FAM210B: variants seen among roughly 807,000 people sequenced by gnomAD.
FAM210B encodes the protein mitochondrial inner membrane scaffold 2, also known as family with sequence similarity 210 member B.
FAM210B carries 11 observed loss-of-function variants against 14.9 expected under a neutral mutation model. That is an observed-to-expected ratio of 0.74 (90% CI 0.46 to 1.22). The LOEUF (loss-of-function observed/expected upper bound fraction) is 1.22. Among genes scored for constraint, FAM210B ranks in the 50% most tolerant of loss-of-function variants. FAM210B has a pLI of 0.00. For missense variants in FAM210B, 229 were observed against 250.1 expected, an observed-to-expected ratio of 0.92 and a Z score of 0.57; for synonymous variants, 113 against 110.2, an observed-to-expected ratio of 1.03 and a Z score of -0.16.
Position 56,366,301 on chromosome 20 carries a change from C to A in FAM210B, c.*14C>A, listed in dbSNP as rs773971408. On this transcript the variant is annotated 3_prime_UTR_variant, in exon 3 of 3. Transcript: ENST00000371384. ...GCAAAACCTTAATGAACTCTTCAGT[C>A]GTACACACTGAAAACCTATTTCTTC... The A allele has an allele frequency of 1.2e-6, 2 of 1,603,744 alleles. No individual in the cohort carries two copies. Among genetic ancestry groups the A allele is most frequent in the South Asian group, 2.2e-5 (2 of 90,754 alleles).
In FAM210B at chr20:56,366,705, T is replaced by A. The variant is rs1040010036; in HGVS notation, c.*418T>A. 1 of 172,386 alleles carries A rather than the reference T, an allele frequency of 5.8e-6. No homozygotes were observed. Among genetic ancestry groups the A allele is most frequent in the Non-Finnish European group, 1.2e-5 (1 of 80,476 alleles). 10.7% of individuals were successfully genotyped at this position (172,386 alleles called of 1,614,324 possible). ...TATCCCCTTCCGCTGATATTTGTTGTCAGCTGCCTACAGTTTAATATGCAG... is the reference window on the plus strand; with the variant it reads ...TATCCCCTTCCGCTGATATTTGTTGACAGCTGCCTACAGTTTAATATGCAG... On this transcript the variant is annotated 3_prime_UTR_variant, in exon 3 of 3. Transcript: ENST00000371384.
Position 56,359,065 on chromosome 20 carries a change from TCG to T in FAM210B, c.64_65del (p.Ala22HisfsTer113). On this transcript the variant is annotated frameshift_variant, in exon 1 of 3. Coordinates refer to ENST00000371384, the MANE Select transcript of FAM210B (RefSeq NM_080821.3). LOFTEE classifies it high-confidence loss of function. The surrounding 1 kb of genome is among the most constrained non-coding windows in gnomAD (Gnocchi z 4.3). Reference protein sequence around the residue: ...AGRVGARVRPRATWLLGATAP... With the variant: ...AGRVGARVRPXATWLLGATAP... The stretch of plus-strand genomic sequence containing the variant: ...GCAGGGTGGGCGCCCGGGTCCGGCC[TCG>T]CGCCACCTGGCTCCTGGGCGCCACC... 1 of 1,356,494 alleles carries T rather than the reference TCG, an allele frequency of 7.4e-7. No homozygotes were observed. The highest frequency in any genetic ancestry group is 9.5e-7 in the Non-Finnish European group (1 of 1,049,748). 84.0% of individuals were successfully genotyped at this position (1,356,494 alleles called of 1,614,324 possible). A position where few individuals can be genotyped will look rare whatever the true frequency, so the allele number is the denominator to read the frequency against.
rs928100099 is a variant in FAM210B, at chr20:56,359,186, C to T, written c.181C>T (p.His61Tyr). The T allele has an allele frequency of 1.5e-5, 18 of 1,236,586 alleles. No individual in the cohort carries two copies. The highest frequency in any genetic ancestry group is 1.6e-5 in the Non-Finnish European group (16 of 993,334). 76.6% of individuals were successfully genotyped at this position (1,236,586 alleles called of 1,614,324 possible). The change falls in exon 1 of 3, where the codon CAC (histidine) becomes TAC (tyrosine). Residue 61 changes from histidine to tyrosine, a missense_variant. By Grantham distance (83) the His-to-Tyr change is moderately conservative. Transcript: ENST00000371384. This position sits in a 1 kb window ranked among gnomAD's most constrained non-coding sequence, Gnocchi z 4.3. ...LRTARGDCRG[H>Y]QDPSQATGTT... ...CACGGCGCGCGGGGACTGCCGCGGC[C>T]ACCAGGTAAGCACCCCACCCCGACC...
Position 56,362,390 on chromosome 20 carries a change from G to T in FAM210B, c.187-2697G>T, listed in dbSNP as rs941191262. Among the ~76,000 whole-genome samples the T allele has an allele frequency of 2.6e-5, 4 of 152,134 alleles. No individual in the cohort carries two copies. Among genetic ancestry groups the T allele is most frequent in the Non-Finnish European group, 5.9e-5 (4 of 68,022 alleles). The stretch of plus-strand genomic sequence containing the variant: ...GCATGCATGCTGAGTACAGACAGAA[G>T]ATGTGTCACGCCGTCCTGTGCATTC... On this transcript the variant is annotated intron_variant, in intron 1 of 2. Transcript: ENST00000371384. This position sits in a 1 kb window ranked among gnomAD's most constrained non-coding sequence, Gnocchi z 4.8.
Position 56,365,160 on chromosome 20 carries a change from A to G in FAM210B, c.260A>G (p.Gln87Arg), listed in dbSNP as rs1441533902. 1 of 1,614,220 alleles carries G rather than the reference A, an allele frequency of 6.2e-7. No individual in the cohort carries two copies. Among genetic ancestry groups the G allele is most frequent in the Non-Finnish European group, 8.5e-7 (1 of 1,180,046 alleles). ...GAGGAGAAAAAGCAAAGCAAGTCAC[A>G]GCAACTGAAAAAGATTTTTCAAGAG... ...CTEEKKQSKS[Q>R]QLKKIFQEYG... Residue 87 changes from glutamine to arginine, a missense_variant, in exon 2 of 3, where the codon CAG (glutamine) becomes CGG (arginine). By Grantham distance (43) the Gln-to-Arg change is conservative (BLOSUM62 1). Around this residue, in one of 3 missense-constraint regions of FAM210B, gnomAD observed 144 missense variants for 132.5 expected, o/e 1.09. Coordinates refer to ENST00000371384, the MANE Select transcript of FAM210B (RefSeq NM_080821.3).
In FAM210B at chr20:56,359,089, C is replaced by T. The variant is rs1029452189; in HGVS notation, c.84C>T (p.Ala28=). Residue 28 remains alanine (A), a synonymous_variant, in exon 1 of 3, where the codon GCC becomes GCT. Transcript: ENST00000371384. This position sits in a 1 kb window ranked among gnomAD's most constrained non-coding sequence, Gnocchi z 4.3. ...CTCGCGCCACCTGGCTCCTGGGCGCCACCGCCCCCTGCGCCCCGCCGCCCC... is the reference window on the plus strand; with the variant it reads ...CTCGCGCCACCTGGCTCCTGGGCGCTACCGCCCCCTGCGCCCCGCCGCCCC... ...VRPRATWLLG[A]TAPCAPPPLA... 1.5e-6 allele frequency: 2 copies of T among 1,344,350 alleles called. No homozygotes were observed. The highest frequency in any genetic ancestry group is 1.8e-5 in the South Asian group (1 of 57,052). The allele number at this position is 1,344,350 out of a possible 1,614,324, so 83.3% of individuals were successfully genotyped here. A position where few individuals can be genotyped will look rare whatever the true frequency, so the allele number is the denominator to read the frequency against.
rs1324486414 is a variant in FAM210B, at chr20:56,366,062, C to T, written c.363-9C>T. 1.9e-6 allele frequency: 3 copies of T among 1,602,568 alleles called. No individual in the cohort carries two copies. Among genetic ancestry groups the T allele is most frequent in the Non-Finnish European group, 2.6e-6 (3 of 1,171,756 alleles). On this transcript the variant is annotated splice_polypyrimidine_tract_variant and intron_variant, in intron 2 of 2. Coordinates refer to ENST00000371384, the MANE Select transcript of FAM210B (RefSeq NM_080821.3). The stretch of plus-strand genomic sequence containing the variant: ...GTAATAATTGTTTTCTTTGCTTCTT[C>T]CCCCCTAGTGGTGTGGACATGCCTG...
rs1252460782 is a variant in FAM210B at position 56,363,557 on chromosome 20, A to G, written c.187-1530A>G. 1.3e-5 allele frequency among the ~76,000 whole-genome samples: 2 copies of G among 152,346 alleles called. No homozygotes were observed. Among genetic ancestry groups the G allele is most frequent in the Non-Finnish European group, 2.9e-5 (2 of 68,028 alleles). ...CCAGGTGCGCATCACCTGCCGGGACAAGCCCCAGGACTGTCCTTAGAGAAG... is the reference window on the plus strand; with the variant it reads ...CCAGGTGCGCATCACCTGCCGGGACGAGCCCCAGGACTGTCCTTAGAGAAG... On this transcript the variant is annotated intron_variant, in intron 1 of 2. Coordinates refer to ENST00000371384, the MANE Select transcript of FAM210B (RefSeq NM_080821.3). This position sits in a 1 kb window ranked among gnomAD's most constrained non-coding sequence, Gnocchi z 4.1.
chr20:56,359,929 C>T lies in FAM210B; in HGVS notation c.186+738C>T, dbSNP rs562073933. On this transcript the variant is annotated intron_variant, in intron 1 of 2. Coordinates refer to ENST00000371384, the MANE Select transcript of FAM210B (RefSeq NM_080821.3). The surrounding 1 kb of genome is among the most constrained non-coding windows in gnomAD (Gnocchi z 4.3). ...CAGACAGGGCCCCTCCATTCATCGCCCGGTGACCTCAGACCGAGTCCTGAA... is the reference window on the plus strand; with the variant it reads ...CAGACAGGGCCCCTCCATTCATCGCTCGGTGACCTCAGACCGAGTCCTGAA... 1.6e-3 allele frequency among the ~76,000 whole-genome samples: 250 copies of T among 152,344 alleles called. No homozygotes were observed. Among genetic ancestry groups the T allele is most frequent in the Non-Finnish European group, 3.1e-3 (211 of 68,028 alleles).
rs1351973139 is a variant in FAM210B at position 56,358,991 on chromosome 20, G to A, written c.-15G>A. The A allele has an allele frequency of 4.5e-5, 57 of 1,259,298 alleles. No homozygotes were observed. The highest frequency in any genetic ancestry group is 5.6e-5 in the Non-Finnish European group (56 of 999,506). 78.0% of individuals were successfully genotyped at this position (1,259,298 alleles called of 1,614,324 possible). A position where few individuals can be genotyped will look rare whatever the true frequency, so the allele number is the denominator to read the frequency against. On this transcript the variant is annotated 5_prime_UTR_variant, in exon 1 of 3. Transcript: ENST00000371384. ...CCCGGGTCAGCGGCGCGGGTGCTGC[G>A]CCTAGCTGCGCACCATGGCCGGGTT... is the stretch of plus-strand genomic sequence containing the variant.
chr20:56,364,459 C>T (rs1281513175), intron 1 of FAM210B, among the ~76,000 whole-genome samples: 2 of 152,160 alleles, frequency 1.3e-5, no homozygotes, highest in African/African-American at 2.4e-5. Context: ...CTTGTGATGA[C>T]GTTGGTAATA....
Position 56,364,877 on chromosome 20 carries a change from CA to C in FAM210B, c.187-209del, listed in dbSNP as rs148257934. Among the ~76,000 whole-genome samples, 923 of 152,232 alleles carry C rather than the reference CA, an allele frequency of 6.1e-3. 6 individuals carry two copies. The highest frequency in any genetic ancestry group is 0.021 in the African/African-American group (877 of 41,538). ...GCTGAGGCAAAAGAATCCTTTGAAC[CA>C]GGGAGGTGGAGGTTGCAATGAGCCA... On this transcript the variant is annotated intron_variant, in intron 1 of 2. Coordinates refer to ENST00000371384, the MANE Select transcript of FAM210B (RefSeq NM_080821.3).
At position 56,362,360 on chromosome 20, in the gene FAM210B, CAT is replaced by C. The variant is rs1983551122; in HGVS notation, c.187-2726_187-2725del. On this transcript the variant is annotated intron_variant, in intron 1 of 2. Transcript: ENST00000371384. This position sits in a 1 kb window ranked among gnomAD's most constrained non-coding sequence, Gnocchi z 4.8. Reference sequence around the variant, plus strand: ...ACTGTCTCACACACACTCTCACACACATGTGCATGCATGCTGAGTACAGACAG... The same window carrying C: ...ACTGTCTCACACACACTCTCACACACGTGCATGCATGCTGAGTACAGACAG... Among the ~76,000 whole-genome samples, 6 of 152,140 alleles carry C rather than the reference CAT, an allele frequency of 3.9e-5. No homozygotes were observed. Among genetic ancestry groups the C allele is most frequent in the Admixed American group, 1.3e-4 (2 of 15,282 alleles).
At position 56,362,900 on chromosome 20, in the gene FAM210B, TG is replaced by T. The variant is rs1983560660; in HGVS notation, c.187-2185del. 6.6e-6 allele frequency among the ~76,000 whole-genome samples: 1 copy of T among 152,246 alleles called. No homozygotes were observed. The highest frequency in any genetic ancestry group is 2.4e-5 in the African/African-American group (1 of 41,468). ...GCCAGGTGTCAAGGGCATGGGTGTT[TG>T]GCCCTGCGAGGGGCTGTAGGTGGCC... is the stretch of plus-strand genomic sequence containing the variant. On this transcript the variant is annotated intron_variant, in intron 1 of 2. Transcript: ENST00000371384. This position sits in a 1 kb window ranked among gnomAD's most constrained non-coding sequence, Gnocchi z 4.8.
chr20:56,365,667 G>A (rs2146109380), intron 2 of FAM210B, among the ~76,000 whole-genome samples: 1 of 152,266 alleles, frequency 6.6e-6, no homozygotes, highest in Admixed American at 6.5e-5. Context: ...CACCAAGCCT[G>A]GCTAATTTTT....
intron 1 of FAM210B, among the ~76,000 whole-genome samples, chr20:56,361,251 G>A (rs1983526319): frequency 6.6e-6 from 1 of 152,076 alleles, no homozygotes; most frequent in African/African-American, 2.4e-5. Context: ...TTCCCTGATG[G>A]CCTTATTTAA....
intron 2 of FAM210B, 81 bp downstream of exon 2, chr20:56,365,343 C>CTT: frequency 1.4e-6 from 2 of 1,433,992 alleles, no homozygotes; most frequent in Non-Finnish European, 1.9e-6. Flanking sequence ...TTTGCTAAGA[C>CTT]TTTTTTTTTA....
At position 56,363,838 on chromosome 20, in the gene FAM210B, T is replaced by C. The variant is rs1192490349; in HGVS notation, c.187-1249T>C. ...GGAGTAAATCTGCCATCGCTTTTGC[T>C]GCATTAATTTTGTGCGCACCGTCCT... On this transcript the variant is annotated intron_variant, in intron 1 of 2. Transcript: ENST00000371384. The surrounding 1 kb of genome is among the most constrained non-coding windows in gnomAD (Gnocchi z 4.1). Among the ~76,000 whole-genome samples the C allele has an allele frequency of 2.0e-5, 3 of 152,228 alleles. No homozygotes were observed. The highest frequency in any genetic ancestry group is 4.4e-5 in the Non-Finnish European group (3 of 68,042).
Position 56,365,232 on chromosome 20 carries a change from C to T in FAM210B, c.332C>T (p.Ser111Phe), listed in dbSNP as rs1983605691. ...VSLHIGISLI[S>F]LGIFYMVVSS... Reference sequence around the variant, plus strand: ...TTGCACATTGGAATCTCATTAATTTCCTTGGGCATATTTTACATGGTTGTG... The same window carrying T: ...TTGCACATTGGAATCTCATTAATTTTCTTGGGCATATTTTACATGGTTGTG... Residue 111 changes from serine (S) to phenylalanine (F), a missense_variant, in exon 2 of 3, where the codon TCC (serine) becomes TTC (phenylalanine). By Grantham distance (155) the Ser-to-Phe change is radical (BLOSUM62 -2). Coordinates refer to ENST00000371384, the MANE Select transcript of FAM210B (RefSeq NM_080821.3). 1.2e-6 allele frequency: 2 copies of T among 1,613,554 alleles called. No homozygotes were observed. The highest frequency in any genetic ancestry group is 1.3e-5 in the African/African-American group (1 of 74,894).
Sources: allele counts gnomAD v4.1 joint callset (sites outside exome capture counted in the v4.1 genomes callset), GRCh38; gene constraint gnomAD v4.1.1; regional missense constraint gnomAD v4.1.1; non-coding constraint Gnocchi (gnomAD v3.1); transcripts MANE v1.5; gene names NCBI Gene and HGNC (gene_info 2026-07-23, HGNC 2026-07-21).